Variants in MRTFB observed in about 807,000 individuals in gnomAD.
The protein encoded by MRTFB is myocardin related transcription factor B, also known as myocardin-related transcription factor B.
A neutral mutation model predicts 104.2 loss-of-function variants in MRTFB; 29 were observed. The ratio of observed to expected loss-of-function variants is 0.28; its 90% CI spans 0.21 to 0.38. The LOEUF (loss-of-function observed/expected upper bound fraction) is 0.38. Ranked by LOEUF, MRTFB falls within the 10% of genes least tolerant of loss-of-function variation. The pLI, the probability that MRTFB is intolerant of heterozygous loss-of-function variation, is 1.00. For synonymous variants in MRTFB, 535 were observed against 519.5 expected (o/e 1.03, Z -0.41); for missense variants, 1,270 against 1,341.6 (o/e 0.95, Z 0.83).
At chr16:14,022,776 G>A in the MRTFB span, among the ~76,000 whole-genome samples, 1 of 134,176 alleles carries the variant, frequency 7.5e-6, no homozygotes, top group Admixed American at 8.0e-5. Context: ...TTGAGACAAG[G>A]TCTCACTCTG....
chr16:14,017,713 T>TATATATATATATATATATATA, the MRTFB span, among the ~76,000 whole-genome samples: 15 of 9,442 alleles, frequency 1.6e-3, 1 homozygote, highest in Non-Finnish European at 3.4e-3. Flanking sequence ...ATATATATAT[T>TATATATATATATATATATATA]TTTTTTTTTT....
intron 2 of MRTFB, among the ~76,000 whole-genome samples, chr16:14,121,967 G>A (rs909179404): frequency 5.9e-5 from 9 of 152,080 alleles, no homozygotes; most frequent in African/African-American, 2.2e-4. Flanking sequence ...TAGCCGGTTG[G>A]GTGTGTACAT....
chr16:14,246,414 T>C, intron 11 of MRTFB, 59 bp from the exon 12 acceptor site: 1 of 1,550,894 alleles, frequency 6.4e-7, no homozygotes, highest in Non-Finnish European at 8.8e-7. Context: ...CACAAAAGCG[T>C]ACTGTAGATT....
chr16:14,202,541 A>G (rs2040753697), intron 3 of MRTFB, among the ~76,000 whole-genome samples: 2 of 152,310 alleles, frequency 1.3e-5, no homozygotes, highest in African/African-American at 4.8e-5. Flanking sequence ...GCAGAGAACT[A>G]TAAATTTGTG....
At chr16:14,096,552 A>G (rs190851058) in intron 2 of MRTFB, among the ~76,000 whole-genome samples, 2 of 152,318 alleles carry the variant, frequency 1.3e-5, no homozygotes, top group Admixed American at 1.3e-4. Context: ...AAGATAATAA[A>G]AGGTTTTCAA....
chr16:13,999,861 A>T, the MRTFB span, among the ~76,000 whole-genome samples: 3 of 152,266 alleles, frequency 2.0e-5, no homozygotes, highest in African/African-American at 7.2e-5. Context: ...AGCCTATATG[A>T]TAGAAACATT....
intron 5 of MRTFB, 95 bp from the exon 6 acceptor site, chr16:14,213,450 A>C: frequency 1.3e-6 from 1 of 796,734 alleles, no homozygotes; most frequent in Non-Finnish European, 2.0e-6. Context: ...CATGACCATA[A>C]GCGTATCGTT....
At chr16:14,019,009 A>C in the MRTFB span, 16 of 152,262 alleles carry the variant, frequency 1.1e-4, 1 homozygote, top group East Asian at 3.1e-3. Flanking sequence ...ACTCAAAGGC[A>C]TGAAGAGCCC....
chr16:14,173,027 C>A (rs1158955722), intron 3 of MRTFB, among the ~76,000 whole-genome samples: 1 of 152,160 alleles, frequency 6.6e-6, no homozygotes, highest in Admixed American at 6.5e-5. Context: ...TCATAAAAAT[C>A]CCATCAATAT....
chr16:14,247,990 C>A (rs982944759), intron 12 of MRTFB: 1 of 156,052 alleles, frequency 6.4e-6, no homozygotes, highest in African/African-American at 2.4e-5. Flanking sequence ...AGGTGTTCTG[C>A]CCGCAGAGCC....
intron 6 of MRTFB, among the ~76,000 whole-genome samples, chr16:14,215,757 A>AT (rs2041391391): frequency 6.6e-6 from 1 of 152,236 alleles, no homozygotes; most frequent in Admixed American, 6.5e-5. Context: ...ATGAACACAC[A>AT]TTTTAACTTG....
At chr16:14,128,538 A>G (rs925770573) in intron 2 of MRTFB, among the ~76,000 whole-genome samples, 2 of 152,232 alleles carry the variant, frequency 1.3e-5, no homozygotes, top group African/African-American at 4.8e-5. Context: ...CAGCAACAGC[A>G]ACAAAAAGCA....
At chr16:14,112,467 C>T (rs1484935019) in intron 2 of MRTFB, among the ~76,000 whole-genome samples, 2 of 152,170 alleles carry the variant, frequency 1.3e-5, no homozygotes, top group East Asian at 1.9e-4. Flanking sequence ...AGCTGGCTCG[C>T]CTCCAAGCCT....
chr16:14,153,145 AAATT>A (rs1342096940), intron 3 of MRTFB: 1 of 152,236 alleles, frequency 6.6e-6, no homozygotes, highest in Non-Finnish European at 1.5e-5. Flanking sequence ...TAATTGGTCA[AAATT>A]AGTTATTGAG....
intron 2 of MRTFB, chr16:14,092,945 T>A (rs2035166314): frequency 6.6e-6 from 1 of 152,244 alleles, no homozygotes; most frequent in African/African-American, 2.4e-5. Context: ...GTTAACTTAG[T>A]TTCATCTTTT....
At chr16:14,237,942 G>T (rs1483478000) in intron 9 of MRTFB, among the ~76,000 whole-genome samples, 1 of 152,194 alleles carries the variant, frequency 6.6e-6, no homozygotes, top group African/African-American at 2.4e-5. Flanking sequence ...ACGTAGCACT[G>T]ATGAGCCCTT....
At position 14,170,141 on chromosome 16, in the gene MRTFB, T is replaced by C. The variant is rs184030324; in HGVS notation, c.154+29381T>C. ...TCCTTTTCTCCTGTCACCCTTACAGTGAACATTCCTCCATGTTATTAAATG... is the reference window on the plus strand; with the variant it reads ...TCCTTTTCTCCTGTCACCCTTACAGCGAACATTCCTCCATGTTATTAAATG... On this transcript the variant is annotated intron_variant, in intron 3 of 16. Coordinates refer to ENST00000571589, the MANE Select transcript of MRTFB (RefSeq NM_001308142.2). The C allele has an allele frequency of 3.3e-5, 5 of 152,338 alleles. No individual in the cohort carries two copies. In the East Asian group the frequency reaches 9.6e-4, roughly 29 times the overall value. 9.4% of individuals were successfully genotyped at this position (152,338 alleles called of 1,614,324 possible). A position where few individuals can be genotyped will look rare whatever the true frequency, so the allele number is the denominator to read the frequency against.
At chr16:14,236,729 C>G (rs189568755) in intron 9 of MRTFB, among the ~76,000 whole-genome samples, 24 of 152,302 alleles carry the variant, frequency 1.6e-4, no homozygotes, top group East Asian at 1.4e-3. Context: ...TGGCCAGAGA[C>G]CAGCGTCTGT....
At chr16:14,199,600 C>T (rs1597227855) in intron 3 of MRTFB, among the ~76,000 whole-genome samples, 1 of 152,210 alleles carries the variant, frequency 6.6e-6, no homozygotes, top group Non-Finnish European at 1.5e-5. Context: ...TGACCTCTTC[C>T]TCCTTCAAAC....
Sources: gnomAD v4.1 joint callset for allele counts (sites outside exome capture counted in the v4.1 genomes callset) on GRCh38, gnomAD v4.1.1 for gene constraint, MANE v1.5 for transcripts, NCBI Gene and HGNC (gene_info 2026-07-23, HGNC 2026-07-21) for gene names.